The following PHYKPL variants were observed in gnomAD, a reference collection of about 807,000 sequenced individuals.
PHYKPL encodes 5-phosphohydroxy-L-lysine phospho-lyase, also known as 5-phosphonooxy-L-lysine phospho-lyase.
In PHYKPL, 42 loss-of-function variants were observed where a neutral mutation model predicts 51.3. That is an observed-to-expected ratio of 0.82 (90% CI 0.64 to 1.06). The LOEUF (loss-of-function observed/expected upper bound fraction) is 1.06. Ranked by LOEUF, PHYKPL falls within the 50% of genes least tolerant of loss-of-function variation. The pLI is 0.00. For missense variants in PHYKPL, 655 were observed against 586.6 expected, an observed-to-expected ratio of 1.12 and a Z score of -1.20; for synonymous variants, 264 against 236.0, an observed-to-expected ratio of 1.12 and a Z score of -1.09.
intron 6 of PHYKPL, chr5:178,223,321 T>C: frequency 2.2e-6 from 1 of 456,764 alleles, no homozygotes; most frequent in South Asian, 1.6e-5. Context: ...TGGACATGCC[T>C]GCCTCCTGCA....
intron 3 of PHYKPL, chr5:178,226,733 T>C (rs970789622): frequency 6.6e-6 from 1 of 151,560 alleles, no homozygotes; most frequent in African/African-American, 2.4e-5. Context: ...ATCAGAAAGG[T>C]AGGGAAGATT....
At chr5:178,218,839 A>G (rs1760501580) in intron 8 of PHYKPL, among the ~76,000 whole-genome samples, 1 of 152,196 alleles carries the variant, frequency 6.6e-6, no homozygotes, top group Non-Finnish European at 1.5e-5. Context: ...GTAAAAGAAA[A>G]AGAAGAAATA....
chr5:178,224,612 C>T (rs200582766), intron 5 of PHYKPL, 30 bp downstream of exon 5: 24 of 1,614,080 alleles, frequency 1.5e-5, no homozygotes, highest in African/African-American at 8.0e-5. Flanking sequence ...GGACAGGCAC[C>T]GACCTGTTGT....
At chr5:178,224,786 A>G in intron 4 of PHYKPL, 57 bp from the exon 5 acceptor site, 1 of 1,396,626 alleles carries the variant, frequency 7.2e-7, no homozygotes, top group South Asian at 1.3e-5. Flanking sequence ...TCCCTGGCCC[A>G]GTCTGACCAT....
chr5:178,219,543 G>A (rs1253533638), intron 8 of PHYKPL, among the ~76,000 whole-genome samples: 2 of 151,306 alleles, frequency 1.3e-5, no homozygotes, highest in Non-Finnish European at 1.5e-5. Flanking sequence ...TCCGCCTCCC[G>A]GGTTCACGCC....
chr5:178,225,106 G>A, intron 4 of PHYKPL: 1 of 582,438 alleles, frequency 1.7e-6, no homozygotes, highest in South Asian at 2.1e-5. Flanking sequence ...CATGTACAAT[G>A]TTGTGGGACC....
chr5:178,228,621 T>C (rs1762757058), intron 3 of PHYKPL: 1 of 702,544 alleles, frequency 1.4e-6, no homozygotes, highest in Non-Finnish European at 2.6e-6. Context: ...TTCCACTTCC[T>C]AGAAATTATC....
At chr5:178,214,596 A>G (rs2113744032) in intron 10 of PHYKPL, among the ~76,000 whole-genome samples, 200 bp downstream of exon 10, 1 of 152,132 alleles carries the variant, frequency 6.6e-6, no homozygotes, top group Middle Eastern at 3.4e-3. Context: ...AACTGCTAAC[A>G]CCACTTATCT....
intron 8 of PHYKPL, among the ~76,000 whole-genome samples, chr5:178,220,478 A>C (rs1760934745): frequency 1.3e-5 from 2 of 152,200 alleles, no homozygotes; most frequent in Non-Finnish European, 2.9e-5. Context: ...CTGGGCAACA[A>C]GAGTGAAACT....
rs777180434 is a variant in PHYKPL, at chr5:178,224,492, C to T, written c.574G>A (p.Glu192Lys). 42 of 1,610,474 alleles carry T rather than the reference C, an allele frequency of 2.6e-5. No homozygotes were observed. Among genetic ancestry groups the T allele is most frequent in the Non-Finnish European group, 3.3e-5 (39 of 1,177,916 alleles). ...HPNPAMAYAN[E>K]VKRVVSSAQE... ...GCACTGCTGACCACACGTTTCACCT[C>T]GTTGGCATAGGCCATAGCTGGGTTG... is the stretch of plus-strand genomic sequence containing the variant. The change falls in exon 6 of 13, where the codon GAG becomes AAG. Residue 192 changes from glutamate to lysine, a missense_variant. Glu to Lys is a moderately conservative substitution (Grantham distance 56). Coordinates refer to ENST00000308158, the MANE Select transcript of PHYKPL (RefSeq NM_153373.4).
At chr5:178,224,760 TC>T (rs763694154) in intron 4 of PHYKPL, 31 bp from the exon 5 acceptor site, 4 of 1,570,782 alleles carry the variant, frequency 2.5e-6, no homozygotes, top group Non-Finnish European at 3.5e-6. Flanking sequence ...TAGGCTCGGG[TC>T]CGGGCAGCAC....
chr5:178,207,691 C>CTTTTTTTTTTTTTT (rs34424574), downstream of PHYKPL, among the ~76,000 whole-genome samples: 2 of 78,756 alleles, frequency 2.5e-5, no homozygotes, highest in African/African-American at 5.3e-5. Context: ...ACTTTGAGCA[C>CTTTTTTTTTTTTTT]TTTTTTTTTT....
At position 178,231,505 on chromosome 5, in the gene PHYKPL, A is replaced by G. The variant is rs764850448; in HGVS notation, c.78T>C (p.Phe26=). 2 of 1,614,034 alleles carry G rather than the reference A, an allele frequency of 1.2e-6. No homozygotes were observed. Among genetic ancestry groups the G allele is most frequent in the Non-Finnish European group, 1.7e-6 (2 of 1,180,036 alleles). The change falls in exon 2 of 13, where the codon TTT becomes TTC. Residue 26 remains phenylalanine (F), a synonymous_variant. Transcript: ENST00000308158. ...CAATCTTAACAGGATCCTCGGGAAA[A>G]AAGAGTCTGCAGGAAGAGCTGTGGG... ...QRLISSSCRL[F]FPEDPVKIVR...
At chr5:178,226,078 CTTTTTTT>C (rs112189205) in intron 3 of PHYKPL, 11,337 of 136,740 alleles carry the variant, frequency 0.083, 581 homozygotes, top group Non-Finnish European at 0.11. Context: ...TTTGGAATTT[CTTTTTTT>C]TTTTTTTTTT....
At chr5:178,218,216 C>CAAAAAA (rs777929826) in intron 8 of PHYKPL, among the ~76,000 whole-genome samples, 24 of 58,140 alleles carry the variant, frequency 4.1e-4, no homozygotes, top group South Asian at 7.7e-4. Context: ...AACTCCGTCT[C>CAAAAAA]AAAAAAAAAA....
At chr5:178,225,089 G>T (rs866473235) in intron 4 of PHYKPL, 3 of 571,756 alleles carry the variant, frequency 5.2e-6, no homozygotes, top group Non-Finnish European at 9.4e-6. Context: ...TGCTGGAGTA[G>T]TTTGAACATG....
intron 1 of PHYKPL, chr5:178,232,290 C>T: frequency 1.6e-6 from 2 of 1,248,952 alleles, no homozygotes; most frequent in Non-Finnish European, 1.0e-6. Context: ...GCCCCGGAGA[C>T]CACCCGCCGG....
At chr5:178,207,846 G>T (rs540337966), downstream of PHYKPL, among the ~76,000 whole-genome samples, 6 of 152,044 alleles carry the variant, frequency 3.9e-5, no homozygotes, top group East Asian at 9.7e-4. Context: ...GGGACCACAG[G>T]CATGTACCAC....
intron 12 of PHYKPL, chr5:178,209,492 A>AT: frequency 6.5e-7 from 1 of 1,532,564 alleles, no homozygotes; most frequent in East Asian, 2.3e-5. Flanking sequence ...CCCTGCCTAC[A>AT]TGGAGCCTTC....
Sources: gnomAD v4.1 joint callset for allele counts (sites outside exome capture counted in the v4.1 genomes callset) on GRCh38, gnomAD v4.1.1 for gene constraint, MANE v1.5 for transcripts, NCBI Gene and HGNC (gene_info 2026-07-23, HGNC 2026-07-21) for gene names.